The following PCDH15 variants were observed in gnomAD, a reference collection of about 807,000 sequenced individuals.
The protein encoded by PCDH15 is protocadherin related 15.
A neutral mutation model predicts 178.5 loss-of-function variants in PCDH15; 129 were observed. The ratio of observed to expected loss-of-function variants is 0.72; its 90% CI spans 0.63 to 0.84. The LOEUF (loss-of-function observed/expected upper bound fraction) is 0.84. PCDH15 is among the 40% of genes least tolerant of loss of function. PCDH15 has a pLI of 0.00. For missense variants in PCDH15, 2,230 were observed against 2,099.9 expected (o/e 1.06, Z -1.21); for synonymous variants, 800 against 732.0 (o/e 1.09, Z -1.50).
intron 1 of PCDH15, among the ~76,000 whole-genome samples, chr10:54,716,731 A>C (rs1443914860): frequency 6.6e-6 from 1 of 151,992 alleles, no homozygotes; most frequent in African/African-American, 2.4e-5. Context: ...GCTACCAATG[A>C]CTTTCTTCAC....
Position 54,579,289 on chromosome 10 carries a change from G to C in PCDH15, c.92-51412C>G, listed in dbSNP as rs895407365. On this transcript the variant is annotated intron_variant, in intron 2 of 37. Coordinates refer to ENST00000644397, the MANE Select transcript of PCDH15 (RefSeq NM_001384140.1). ...ACAACACCCATAGTTCAAGGTAAAG[G>C]GTTGGAGAAAGATGTATCATGCAAA... 5.3e-5 allele frequency among the ~76,000 whole-genome samples: 8 copies of C among 152,076 alleles called. No individual in the cohort carries two copies. The South Asian group carries it at 1.2e-3, about 24-fold the overall frequency.
chr10:53,998,406 T>C (rs1589834044), intron 20 of PCDH15, among the ~76,000 whole-genome samples: 1 of 152,200 alleles, frequency 6.6e-6, no homozygotes, highest in South Asian at 2.1e-4. Context: ...GTCAAGCAAA[T>C]AAAATTATAC....
chr10:54,673,485 CTGGAGTGCAA>C (rs1190841448), intron 1 of PCDH15, among the ~76,000 whole-genome samples: 1 of 152,128 alleles, frequency 6.6e-6, no homozygotes, highest in Non-Finnish European at 1.5e-5. Flanking sequence ...GTTGCCCAGG[CTGGAGTGCAA>C]TGGCATGATC....
chr10:54,660,913 CTG>C (rs1263543793), intron 2 of PCDH15, among the ~76,000 whole-genome samples: 3 of 151,984 alleles, frequency 2.0e-5, no homozygotes, highest in African/African-American at 7.2e-5. Context: ...TCCAATATGT[CTG>C]TATGATAAAA....
At chr10:54,297,908 G>A (rs1363620189) in intron 8 of PCDH15, among the ~76,000 whole-genome samples, 2 of 152,150 alleles carry the variant, frequency 1.3e-5, no homozygotes, top group East Asian at 1.9e-4. Context: ...CAGCCTGAGA[G>A]TTTGGAGATA....
chr10:55,131,474 A>G (rs1307493054), intron 2 of PCDH15, among the ~76,000 whole-genome samples: 1 of 152,234 alleles, frequency 6.6e-6, no homozygotes, highest in Non-Finnish European at 1.5e-5. Context: ...CGGTGGAGGT[A>G]TGTTTCAGCC....
At chr10:54,644,186 A>G (rs2094067674) in intron 2 of PCDH15, among the ~76,000 whole-genome samples, 1 of 151,144 alleles carries the variant, frequency 6.6e-6, no homozygotes, top group Non-Finnish European at 1.5e-5. Context: ...TCCACGGTGT[A>G]TATGTGCCAC....
At chr10:54,314,656 TA>T (rs1321968298) in intron 8 of PCDH15, among the ~76,000 whole-genome samples, 1 of 152,112 alleles carries the variant, frequency 6.6e-6, no homozygotes, top group African/African-American at 2.4e-5. Flanking sequence ...CAGTACCCAA[TA>T]GTCATCTTTT....
chr10:54,851,452 G>A (rs187750146), intron 3 of PCDH15, among the ~76,000 whole-genome samples: 86 of 152,082 alleles, frequency 5.7e-4, no homozygotes, highest in African/African-American at 1.8e-3. Flanking sequence ...ACAGACAAAA[G>A]CATAAAAATA....
At chr10:54,189,462 A>C (rs1591052064) in intron 11 of PCDH15, 2 of 980,310 alleles carry the variant, frequency 2.0e-6, no homozygotes, top group East Asian at 5.9e-5. Context: ...AAAGCAAACC[A>C]CTTCCAGCAC....
At chr10:54,229,061 G>T (rs1360337349) in intron 9 of PCDH15, among the ~76,000 whole-genome samples, 1 of 152,118 alleles carries the variant, frequency 6.6e-6, no homozygotes, top group African/African-American at 2.4e-5. Flanking sequence ...AAATAGCTGA[G>T]AAATATCTCT....
chr10:54,940,039 C>A lies in PCDH15; in HGVS notation c.-79-42539G>T, dbSNP rs559819070. 2.6e-5 allele frequency among the ~76,000 whole-genome samples: 4 copies of A among 152,202 alleles called. No individual in the cohort carries two copies. In the East Asian group the frequency reaches 7.7e-4, roughly 29 times the overall value. On this transcript the variant is annotated intron_variant, in intron 2 of 5. Coordinates refer to the PCDH15 transcript ENST00000458638. ...CTATTGTTATCTCTTCCATTAATTT[C>A]ATCTATAATCATTATTTCCTACCAT...
At chr10:54,240,443 T>C (rs1430602626) in intron 8 of PCDH15, among the ~76,000 whole-genome samples, 1 of 151,998 alleles carries the variant, frequency 6.6e-6, no homozygotes, top group African/African-American at 2.4e-5. Flanking sequence ...TTGAATTTAT[T>C]GAAAAATAGT....
intron 18 of PCDH15, among the ~76,000 whole-genome samples, chr10:54,038,329 G>A (rs1039240390): frequency 1.3e-5 from 2 of 151,806 alleles, no homozygotes; most frequent in Non-Finnish European, 1.5e-5. Flanking sequence ...TTGCAGGTGG[G>A]TTCTCTGGCA....
intron 29 of PCDH15, among the ~76,000 whole-genome samples, chr10:53,835,629 G>A (rs1455557973): frequency 1.3e-5 from 2 of 152,092 alleles, no homozygotes; most frequent in Non-Finnish European, 2.9e-5. Context: ...AAAAGTGGCT[G>A]CCATAGGCTG....
At chr10:54,291,337 A>G (rs1049356126) in intron 8 of PCDH15, among the ~76,000 whole-genome samples, 1 of 152,216 alleles carries the variant, frequency 6.6e-6, no homozygotes, top group Non-Finnish European at 1.5e-5. Flanking sequence ...GTAGAGGGAA[A>G]TTTATAGCAC....
chr10:54,512,406 AT>A (rs2081785847), intron 3 of PCDH15, among the ~76,000 whole-genome samples: 1 of 88,898 alleles, frequency 1.1e-5, no homozygotes, highest in African/African-American at 3.5e-5. Flanking sequence ...TGTGTGTATT[AT>A]TGGGGGATGA....
intron 18 of PCDH15, among the ~76,000 whole-genome samples, chr10:54,058,127 C>T (rs1419641580): frequency 6.6e-6 from 1 of 152,310 alleles, no homozygotes; most frequent in East Asian, 1.9e-4. Context: ...AACTTTCCCA[C>T]ATTTTCCTAT....
rs138173177 is a variant in PCDH15, at chr10:53,899,609, T to C, written c.3501+3634A>G. Among the ~76,000 whole-genome samples, 102 of 152,324 alleles carry C rather than the reference T, an allele frequency of 6.7e-4. 1 individual carries two copies. Among genetic ancestry groups the C allele is most frequent in the Admixed American group, 2.9e-3 (45 of 15,296 alleles). ...AAAAAAAATTAACTTGTATGCATGG[T>C]AGATGATCTACCATTACCTAATATT... On this transcript the variant is annotated intron_variant, in intron 26 of 37. Coordinates refer to ENST00000644397, the MANE Select transcript of PCDH15 (RefSeq NM_001384140.1).
Sources: gnomAD v4.1 joint callset for allele counts (sites outside exome capture counted in the v4.1 genomes callset) on GRCh38, gnomAD v4.1.1 for gene constraint, MANE v1.5 for transcripts, NCBI Gene and HGNC (gene_info 2026-07-23, HGNC 2026-07-21) for gene names.